Variants in KCNJ6 observed in about 807,000 individuals in gnomAD.
KCNJ6 encodes the protein potassium inwardly rectifying channel subfamily J member 6, also known as G protein-activated inward rectifier potassium channel 2.
In KCNJ6, 9 loss-of-function variants were observed where a neutral mutation model predicts 34.2. The observed-to-expected ratio is 0.26, with a 90% CI of 0.16 to 0.46. KCNJ6 has a LOEUF of 0.46. Ranked by LOEUF, KCNJ6 falls within the 20% of genes least tolerant of loss-of-function variation. The pLI is 1.00. For missense variants in KCNJ6, 236 were observed against 531.3 expected (o/e 0.44, Z 5.46); for synonymous variants, 196 against 207.1 (o/e 0.95, Z 0.46).
chr21:37,688,019 G>A (rs1027529078), intron 3 of KCNJ6, among the ~76,000 whole-genome samples: 2 of 152,196 alleles, frequency 1.3e-5, no homozygotes, highest in East Asian at 1.9e-4. Flanking sequence ...GATGGAAGGT[G>A]TCCTTCTTAT....
intron 1 of KCNJ6, among the ~76,000 whole-genome samples, chr21:37,875,068 G>A (rs965401267): frequency 1.3e-5 from 2 of 152,090 alleles, no homozygotes; most frequent in African/African-American, 4.8e-5. Context: ...GATTGGCGAG[G>A]TCCTGAGAGC....
chr21:37,622,126 A>T lies in KCNJ6; in HGVS notation c.*3033T>A, dbSNP rs2054291718. 1 of 152,176 alleles carries T rather than the reference A, an allele frequency of 6.6e-6. No individual in the cohort carries two copies. Among genetic ancestry groups the T allele is most frequent in the Admixed American group, 6.5e-5 (1 of 15,282 alleles). The allele number at this position is 152,176 out of a possible 1,614,324, so 9.4% of individuals were successfully genotyped here. On this transcript the variant is annotated 3_prime_UTR_variant, in exon 4 of 4. Transcript: ENST00000609713. Reference sequence around the variant, plus strand: ...GCAAACCATAACCCTTAAATTCCAAATTCTTATCTGGCTCACGGATCCCAC... The same window carrying T: ...GCAAACCATAACCCTTAAATTCCAATTTCTTATCTGGCTCACGGATCCCAC...
chr21:37,678,578 G>A (rs1325186439), intron 3 of KCNJ6, among the ~76,000 whole-genome samples: 4 of 152,216 alleles, frequency 2.6e-5, no homozygotes, highest in Non-Finnish European at 5.9e-5. Flanking sequence ...CTGGAGGAGA[G>A]GACTACCTGC....
intron 2 of KCNJ6, among the ~76,000 whole-genome samples, chr21:37,839,694 T>C (rs572237528): frequency 3.3e-5 from 5 of 152,352 alleles, no homozygotes; most frequent in African/African-American, 1.2e-4. Flanking sequence ...GAAAAAAATA[T>C]GCCTTGTATT....
At chr21:37,712,189 C>T (rs1324684297) in intron 3 of KCNJ6, among the ~76,000 whole-genome samples, 1 of 152,162 alleles carries the variant, frequency 6.6e-6, no homozygotes, top group African/African-American at 2.4e-5. Context: ...GCATCAGTAA[C>T]CAGAGGGTAC....
intron 3 of KCNJ6, among the ~76,000 whole-genome samples, chr21:37,656,603 T>G (rs2054465313): frequency 6.6e-6 from 1 of 152,194 alleles, no homozygotes; most frequent in Admixed American, 6.5e-5. Flanking sequence ...GTGGTGCAGC[T>G]GGAGCTGGAG....
rs144770957 is a variant in KCNJ6 at position 37,632,676 on chromosome 21, A to G, written c.947-7192T>C. The stretch of plus-strand genomic sequence containing the variant: ...TAAATGGCATTGGGAACTCAAAGGT[A>G]TACATAACTTTAGAAACAGCAGAGA... On this transcript the variant is annotated intron_variant, in intron 3 of 3. Coordinates refer to ENST00000609713, the MANE Select transcript of KCNJ6 (RefSeq NM_002240.5). Among the ~76,000 whole-genome samples, 120 of 151,060 alleles carry G rather than the reference A, an allele frequency of 7.9e-4. 1 individual carries two copies. The highest frequency in any genetic ancestry group is 2.6e-3 in the African/African-American group (110 of 41,544).
At position 37,617,136 on chromosome 21, in the gene KCNJ6, TTTCCTTCC is replaced by T. The variant is rs60006502; in HGVS notation, c.*8015_*8022del. On this transcript the variant is annotated 3_prime_UTR_variant, in exon 4 of 4. Coordinates refer to ENST00000609713, the MANE Select transcript of KCNJ6 (RefSeq NM_002240.5). ...TCCTTCTTCCTTCCTTCCTTCTTTC[TTTCCTTCC>T]TTCCTTCCTTCTTTCTTTATCTTTT... The T allele has an allele frequency of 8.0e-6, 1 of 125,636 alleles. No homozygotes were observed. Among genetic ancestry groups the T allele is most frequent in the East Asian group, 2.5e-4 (1 of 4,012 alleles). The allele number at this position is 125,636 out of a possible 1,614,324, so 7.8% of individuals were successfully genotyped here.
At chr21:37,758,182 C>T (rs553414214) in intron 2 of KCNJ6, among the ~76,000 whole-genome samples, 3 of 151,090 alleles carry the variant, frequency 2.0e-5, no homozygotes, top group African/African-American at 4.9e-5. Context: ...GTGGGAGTGA[C>T]GGGGCAGAGT....
At chr21:37,896,791 C>T (rs766458818) in intron 1 of KCNJ6, among the ~76,000 whole-genome samples, 11 of 152,124 alleles carry the variant, frequency 7.2e-5, no homozygotes, top group African/African-American at 1.4e-4. Context: ...AGAAGACACC[C>T]GGGCCCCAGA....
intron 2 of KCNJ6, among the ~76,000 whole-genome samples, chr21:37,782,075 A>G (rs983716242): frequency 6.6e-6 from 1 of 152,204 alleles, no homozygotes; most frequent in African/African-American, 2.4e-5. Context: ...GCTCCTTACA[A>G]GAGCATGGCA....
At chr21:37,706,467 G>T (rs939819648) in intron 3 of KCNJ6, among the ~76,000 whole-genome samples, 3 of 152,214 alleles carry the variant, frequency 2.0e-5, no homozygotes, top group African/African-American at 7.2e-5. Context: ...GCGAGTGTTT[G>T]GCCCTGTCTC....
intron 1 of KCNJ6, among the ~76,000 whole-genome samples, chr21:37,874,148 C>G (rs759080313): frequency 6.6e-6 from 1 of 152,150 alleles, no homozygotes; most frequent in Non-Finnish European, 1.5e-5. Flanking sequence ...TGTCTGGGCC[C>G]GCAGTAGCAC....
chr21:37,721,391 A>T (rs857956), intron 2 of KCNJ6, among the ~76,000 whole-genome samples: 103,870 of 152,108 alleles, frequency 0.68, 35,761 homozygotes, highest in East Asian at 0.92. Context: ...TTAAACATAG[A>T]ATTACCATGT....
intron 3 of KCNJ6, among the ~76,000 whole-genome samples, chr21:37,638,339 G>A (rs1002548996): frequency 3.3e-5 from 5 of 151,996 alleles, no homozygotes; most frequent in African/African-American, 1.2e-4. Flanking sequence ...TAGAGATGGG[G>A]TTTCACCATG....
intron 2 of KCNJ6, among the ~76,000 whole-genome samples, chr21:37,770,966 T>G (rs2055115158): frequency 6.6e-6 from 1 of 152,204 alleles, no homozygotes; most frequent in African/African-American, 2.4e-5. Context: ...TGTCAAAGGA[T>G]AAGCAGAACA....
intron 2 of KCNJ6, among the ~76,000 whole-genome samples, chr21:37,766,595 C>T (rs537896101): frequency 3.9e-5 from 6 of 152,250 alleles, no homozygotes; most frequent in South Asian, 2.1e-4. Flanking sequence ...GATGGGACCC[C>T]GGGCAGTGGA....
intron 2 of KCNJ6, among the ~76,000 whole-genome samples, chr21:37,756,929 TCCCTCACAGATTCCAGCCCAGAGTGA>T (rs2055031594): frequency 2.2e-5 from 1 of 45,404 alleles, no homozygotes; most frequent in Non-Finnish European, 4.7e-5. Context: ...GAGTGAGCAC[TCCCTCACAGATTCCAGCCCAGAGTGA>T]GCACTCCCTC....
intron 2 of KCNJ6, among the ~76,000 whole-genome samples, chr21:37,804,844 T>C (rs1235950101): frequency 2.0e-5 from 3 of 152,178 alleles, no homozygotes; most frequent in Admixed American, 6.5e-5. Context: ...GTTGAGTCTA[T>C]GTCTTTACTA....
Sources: gnomAD v4.1 joint callset for allele counts (sites outside exome capture counted in the v4.1 genomes callset) on GRCh38, gnomAD v4.1.1 for gene constraint, MANE v1.5 for transcripts, NCBI Gene and HGNC (gene_info 2026-07-23, HGNC 2026-07-21) for gene names.